Variants in STAG1 observed in about 807,000 individuals in gnomAD.
STAG1 encodes cohesin subunit SA-1.
Under a neutral mutation model 170.9 loss-of-function variants are expected in STAG1, and 26 were observed. That is an observed-to-expected ratio of 0.15 (90% CI 0.11 to 0.21). The LOEUF (loss-of-function observed/expected upper bound fraction) is 0.21, where lower values mean the gene tolerates loss of function less well. Ranked by LOEUF, STAG1 falls within the 10% of genes least tolerant of loss-of-function variation. The probability of loss-of-function intolerance (pLI) is 1.00; values close to 1 mark genes in which losing one functional copy is unlikely to be tolerated. For missense variants in STAG1, 964 were observed against 1,509.5 expected (o/e 0.64, Z 5.99); for synonymous variants, 514 against 497.7 (o/e 1.03, Z -0.44).
intron 6 of STAG1, among the ~76,000 whole-genome samples, chr3:136,524,097 T>A (rs1194158554): frequency 6.6e-6 from 1 of 152,206 alleles, no homozygotes; most frequent in Non-Finnish European, 1.5e-5. Context: ...TGGTCCCATA[T>A]GAACTTTAAA....
chr3:136,582,430 T>C (rs1278669982), intron 4 of STAG1, among the ~76,000 whole-genome samples: 4 of 152,140 alleles, frequency 2.6e-5, no homozygotes, highest in Admixed American at 1.3e-4. Flanking sequence ...GAGCTGATAA[T>C]GGAAAAAGGA....
intron 16 of STAG1, among the ~76,000 whole-genome samples, chr3:136,426,018 G>C (rs2088111370): frequency 6.7e-6 from 1 of 149,646 alleles, no homozygotes; most frequent in South Asian, 2.1e-4. Flanking sequence ...TTTGTCCCTT[G>C]AACAACATAG....
chr3:136,389,437 C>T (rs771660377), intron 22 of STAG1, among the ~76,000 whole-genome samples: 7 of 152,010 alleles, frequency 4.6e-5, no homozygotes, highest in East Asian at 3.9e-4. Flanking sequence ...GGACTACAGG[C>T]GCACACCACC....
At chr3:136,355,726 T>G (rs1936627079) in intron 28 of STAG1, among the ~76,000 whole-genome samples, 1 of 152,086 alleles carries the variant, frequency 6.6e-6, no homozygotes, top group Non-Finnish European at 1.5e-5. Context: ...AATAATACAA[T>G]GCATGATCTC....
intron 4 of STAG1, among the ~76,000 whole-genome samples, chr3:136,581,492 A>G (rs1328886140): frequency 6.6e-6 from 1 of 152,246 alleles, no homozygotes; most frequent in Non-Finnish European, 1.5e-5. Context: ...AGAAACGCAA[A>G]TAGACCATTT....
At chr3:136,561,973 C>T (rs1383134333) in intron 5 of STAG1, among the ~76,000 whole-genome samples, 1 of 152,122 alleles carries the variant, frequency 6.6e-6, no homozygotes, top group African/African-American at 2.4e-5. Context: ...TATACAGATG[C>T]ATTTGTTCTG....
At chr3:136,699,167 A>G (rs1370396519) in intron 1 of STAG1, among the ~76,000 whole-genome samples, 1 of 152,178 alleles carries the variant, frequency 6.6e-6, no homozygotes, top group Admixed American at 6.5e-5. Context: ...AATCACCACC[A>G]AAGAATTTAT....
At chr3:136,622,742 G>A (rs185407860) in intron 3 of STAG1, among the ~76,000 whole-genome samples, 52 of 152,150 alleles carry the variant, frequency 3.4e-4, no homozygotes, top group African/African-American at 9.9e-4. Flanking sequence ...GGATTATCTA[G>A]AGCTCTTCTA....
At chr3:136,387,119 G>A (rs1366559365) in intron 22 of STAG1, among the ~76,000 whole-genome samples, 2 of 152,348 alleles carry the variant, frequency 1.3e-5, no homozygotes, top group East Asian at 1.9e-4. Flanking sequence ...AGGCAAAGAA[G>A]TTAACTTATT....
intron 21 of STAG1, among the ~76,000 whole-genome samples, chr3:136,402,379 G>A (rs969141270): frequency 6.7e-5 from 10 of 148,764 alleles, no homozygotes; most frequent in African/African-American, 1.7e-4. Flanking sequence ...CACCACACCC[G>A]GCTAATCTTT....
intron 1 of STAG1, among the ~76,000 whole-genome samples, chr3:136,653,679 C>T (rs1941287456): frequency 6.6e-6 from 1 of 152,092 alleles, no homozygotes; most frequent in African/African-American, 2.4e-5. Context: ...CAGATTCAAC[C>T]CCAAGCTGAC....
intron 26 of STAG1, among the ~76,000 whole-genome samples, chr3:136,362,751 T>C (rs1207725824): frequency 2.6e-5 from 4 of 152,086 alleles, no homozygotes; most frequent in Non-Finnish European, 5.9e-5. Context: ...TCCTTTTATA[T>C]ATAAACCATC....
intron 21 of STAG1, among the ~76,000 whole-genome samples, chr3:136,408,084 T>A (rs2087533036): frequency 6.6e-6 from 1 of 152,202 alleles, no homozygotes; most frequent in South Asian, 2.1e-4. Context: ...TCATCCTTTA[T>A]CCTTCTGTAT....
intron 9 of STAG1, among the ~76,000 whole-genome samples, chr3:136,494,514 A>G (rs1932968118): frequency 1.3e-5 from 2 of 152,220 alleles, no homozygotes; most frequent in Non-Finnish European, 2.9e-5. Context: ...TTATGAAAGT[A>G]AATGCACAAA....
chr3:136,422,992 G>C lies in STAG1; in HGVS notation c.1703C>G (p.Thr568Ser), dbSNP rs752267981. Residue 568 changes from threonine to serine, a missense_variant, in exon 17 of 34, where the codon ACT becomes AGT. Thr to Ser is a moderately conservative substitution (Grantham distance 58, BLOSUM62 1). This residue lies in a region of STAG1 where 232 missense variants were observed against 313.0 expected (regional missense o/e 0.74). Transcript: ENST00000383202. ...KTQIDDRNKL[T>S]EHFIITLPML... ...AGGAAGTGTAATAATAAAATGTTCA[G>C]TCAATTTGTTTCTATCATCAATTTG... is the stretch of plus-strand genomic sequence containing the variant. 6.2e-7 allele frequency: 1 copy of C among 1,608,090 alleles called. No homozygotes were observed. The highest frequency in any genetic ancestry group is 8.5e-7 in the Non-Finnish European group (1 of 1,177,312).
At chr3:136,622,557 G>A (rs1346188748) in intron 3 of STAG1, among the ~76,000 whole-genome samples, 3 of 152,010 alleles carry the variant, frequency 2.0e-5, no homozygotes, top group African/African-American at 7.2e-5. Context: ...TCCATTAGAA[G>A]AATTTTCATA....
At chr3:136,680,395 C>A (rs556164689) in intron 1 of STAG1, among the ~76,000 whole-genome samples, 3 of 152,018 alleles carry the variant, frequency 2.0e-5, no homozygotes, top group African/African-American at 7.2e-5. Context: ...CACATAAAGG[C>A]CTATATAAGT....
At chr3:136,339,754 T>G (rs1274184580) in intron 32 of STAG1, among the ~76,000 whole-genome samples, 1 of 152,202 alleles carries the variant, frequency 6.6e-6, no homozygotes, top group Non-Finnish European at 1.5e-5. Flanking sequence ...ATGAGAACTT[T>G]TGAAAAAAAC....
chr3:136,542,301 C>T lies in STAG1; in HGVS notation c.395-106G>A, dbSNP rs1169135136. The T allele has an allele frequency of 6.5e-6, 5 of 772,804 alleles. No individual in the cohort carries two copies. The African/African-American group carries it at 8.7e-5, about 13-fold the overall frequency. 47.9% of individuals were successfully genotyped at this position (772,804 alleles called of 1,614,324 possible). On this transcript the variant is annotated intron_variant, in intron 5 of 33. Transcript: ENST00000383202. ...TCTGTGAGAATCCCAAAAGAATAAC[C>T]TTCCAACATATATTTTATATTAAAA...
Sources: gnomAD v4.1 joint callset for allele counts (sites outside exome capture counted in the v4.1 genomes callset) on GRCh38, gnomAD v4.1.1 for gene constraint, gnomAD v4.1.1 regional missense constraint, MANE v1.5 for transcripts, NCBI Gene and HGNC (gene_info 2026-07-23, HGNC 2026-07-21) for gene names.